The following ARHGEF28 variants were observed in gnomAD, a reference collection of about 807,000 sequenced individuals.
ARHGEF28 encodes the protein Rho guanine nucleotide exchange factor 28.
Under a neutral mutation model 206.6 loss-of-function variants are expected in ARHGEF28, and 152 were observed. The observed-to-expected ratio is 0.74, with a 90% CI of 0.64 to 0.84. The LOEUF (loss-of-function observed/expected upper bound fraction) is 0.84, where lower values mean the gene tolerates loss of function less well. ARHGEF28 is among the 40% of genes least tolerant of loss of function. The pLI is 0.00. For synonymous variants in ARHGEF28, 763 were observed against 776.4 expected (o/e 0.98, Z 0.29); for missense variants, 2,028 against 2,073.2 (o/e 0.98, Z 0.42).
At chr5:73,752,546 A>G (rs1752072809) in intron 3 of ARHGEF28, among the ~76,000 whole-genome samples, 2 of 152,198 alleles carry the variant, frequency 1.3e-5, no homozygotes, top group Non-Finnish European at 2.9e-5. Flanking sequence ...AGGAAATGGC[A>G]GAGTGGAAAA....
chr5:73,750,078 G>T lies in ARHGEF28; in HGVS notation c.181+94G>T. The T allele has an allele frequency of 2.0e-6, 3 of 1,478,842 alleles. 1 individual carries two copies. The South Asian group carries it at 3.8e-5, about 19-fold the overall frequency. The allele number at this position is 1,478,842 out of a possible 1,614,324, so 91.6% of individuals were successfully genotyped here. A position where few individuals can be genotyped will look rare whatever the true frequency, so the allele number is the denominator to read the frequency against. ...CCAGGAAGAGAGCCAGGAAGAAAAAGAAAACAGTGCTGCAAGGTCAGGAGT... is the reference window on the plus strand; with the variant it reads ...CCAGGAAGAGAGCCAGGAAGAAAAATAAAACAGTGCTGCAAGGTCAGGAGT... On this transcript the variant is annotated intron_variant, in intron 3 of 35. Transcript: ENST00000513042.
rs139655302 is a variant in ARHGEF28, at chr5:73,678,797, T to TA, written c.-11-6034dup. ...TCTTCAAAATGTACCCTTATCAAGT[T>TA]AAAAAAAAAAGGGGGGGAGTTAGCA... On this transcript the variant is annotated intron_variant, in intron 1 of 35. Transcript: ENST00000513042. Among the ~76,000 whole-genome samples the TA allele has an allele frequency of 3.3e-3, 486 of 147,830 alleles. 1 individual carries two copies. The highest frequency in any genetic ancestry group is 8.5e-3 in the African/African-American group (346 of 40,642).
intron 9 of ARHGEF28, among the ~76,000 whole-genome samples, chr5:73,806,401 T>C (rs1755458624): frequency 7.8e-6 from 1 of 128,500 alleles, no homozygotes; most frequent in Non-Finnish European, 1.6e-5. Context: ...TATATATACA[T>C]ATATAGATAT....
rs572817752 is a variant in ARHGEF28, at chr5:73,840,518, A to C, written c.1185A>C (p.Gly395=). Residue 395 remains glycine (G), a synonymous_variant, in exon 11 of 36, where the codon GGA becomes GGC. Transcript: ENST00000513042. ...ATATCAGCTATATTAATATAGAGGG[A>C]ATCACTGCCACTACCAGCCCTGAAT... The part of the protein sequence containing the change: ...DLDISYINIE[G]ITATTSPESR... The C allele has an allele frequency of 1.2e-6, 2 of 1,613,972 alleles. No homozygotes were observed. Among genetic ancestry groups the C allele is most frequent in the South Asian group, 2.2e-5 (2 of 91,080 alleles).
intron 10 of ARHGEF28, among the ~76,000 whole-genome samples, chr5:73,832,733 G>T (rs965228962): frequency 6.6e-6 from 1 of 151,968 alleles, no homozygotes; most frequent in South Asian, 2.1e-4. Flanking sequence ...CTTCTTCGGG[G>T]CCCAAGTAGG....
chr5:73,769,352 T>C (rs1267538641), intron 4 of ARHGEF28, among the ~76,000 whole-genome samples: 2 of 152,194 alleles, frequency 1.3e-5, no homozygotes, highest in Non-Finnish European at 1.5e-5. Flanking sequence ...TGCTGACTTT[T>C]ATAGTAGCCA....
At chr5:73,893,422 C>T (rs894374486) in intron 28 of ARHGEF28, 134 bp downstream of exon 28, 25 of 510,308 alleles carry the variant, frequency 4.9e-5, no homozygotes, top group Admixed American at 1.7e-4. Context: ...ACCACCCTCC[C>T]GAGAAACTTA....
chr5:73,897,207 C>G (rs555178379), intron 29 of ARHGEF28, among the ~76,000 whole-genome samples: 11 of 152,220 alleles, frequency 7.2e-5, no homozygotes, highest in Non-Finnish European at 1.5e-4. Context: ...ATAGAATGCT[C>G]TTCCTCCTCC....
chr5:73,683,552 G>T (rs186370509), intron 1 of ARHGEF28, among the ~76,000 whole-genome samples: 1 of 151,950 alleles, frequency 6.6e-6, no homozygotes, highest in Non-Finnish European at 1.5e-5. Context: ...CCTTTTTAAG[G>T]CTGAATAACA....
chr5:73,901,474 A>C (rs72772600), intron 31 of ARHGEF28, 190 bp downstream of exon 31: 20,407 of 463,358 alleles, frequency 0.044, 551 homozygotes, highest in Middle Eastern at 0.14. Flanking sequence ...TGCCTGTGTC[A>C]TGTAGGTGTA....
intron 2 of ARHGEF28, among the ~76,000 whole-genome samples, chr5:73,702,617 A>G (rs1485223934): frequency 1.3e-5 from 2 of 152,134 alleles, no homozygotes; most frequent in African/African-American, 4.8e-5. Flanking sequence ...GAACTGCCAA[A>G]CTTTCCTACA....
intron 33 of ARHGEF28, chr5:73,904,998 G>A (rs985187557): frequency 6.6e-6 from 1 of 152,416 alleles, no homozygotes; most frequent in African/African-American, 2.4e-5. Context: ...AATCATGCTT[G>A]CATTTAGGAT....
At chr5:73,701,619 C>T (rs189519746) in intron 2 of ARHGEF28, among the ~76,000 whole-genome samples, 1 of 152,142 alleles carries the variant, frequency 6.6e-6, no homozygotes, top group Non-Finnish European at 1.5e-5. Flanking sequence ...CCCCTCCCCC[C>T]ACCATTCCTA....
chr5:73,905,226 T>A (rs574944203), intron 33 of ARHGEF28: 44 of 152,032 alleles, frequency 2.9e-4, no homozygotes, highest in African/African-American at 9.4e-4. Flanking sequence ...TGCCCCCTCC[T>A]TATGAGAATC....
chr5:73,696,206 G>A (rs538050922), intron 2 of ARHGEF28, among the ~76,000 whole-genome samples: 3 of 152,310 alleles, frequency 2.0e-5, no homozygotes, highest in Non-Finnish European at 2.9e-5. Context: ...AGCATTCCAG[G>A]CAATGGCTGT....
chr5:73,888,044 C>T (rs375994118), intron 26 of ARHGEF28, among the ~76,000 whole-genome samples: 11 of 152,330 alleles, frequency 7.2e-5, no homozygotes, highest in African/African-American at 2.4e-4. Context: ...TTCCCCGCCC[C>T]TTCGGCCCCC....
intron 4 of ARHGEF28, among the ~76,000 whole-genome samples, chr5:73,756,763 C>G (rs13360196): frequency 0.35 from 52,490 of 151,968 alleles, 10,202 homozygotes; most frequent in African/African-American, 0.53. Context: ...TGAATAGATT[C>G]AAATATAAAT....
intron 13 of ARHGEF28, among the ~76,000 whole-genome samples, chr5:73,849,936 C>T (rs1758598959): frequency 6.6e-6 from 1 of 151,652 alleles, no homozygotes; most frequent in South Asian, 2.1e-4. Context: ...TCTTTATTGT[C>T]TATTATCCTT....
intron 9 of ARHGEF28, among the ~76,000 whole-genome samples, chr5:73,816,968 TG>T (rs1756252837): frequency 6.6e-6 from 1 of 152,248 alleles, no homozygotes; most frequent in African/African-American, 2.4e-5. Flanking sequence ...TGTTTTGTTT[TG>T]TTTTTGTTTT....
Sources: gnomAD v4.1 joint callset for allele counts (sites outside exome capture counted in the v4.1 genomes callset) on GRCh38, gnomAD v4.1.1 for gene constraint, MANE v1.5 for transcripts, NCBI Gene and HGNC (gene_info 2026-07-23, HGNC 2026-07-21) for gene names.